Variants in FHOD1 observed in about 807,000 individuals in gnomAD.
FHOD1 encodes FH1/FH2 domain-containing protein 1.
In FHOD1, 89 loss-of-function variants were observed where a neutral mutation model predicts 111.6. That is an observed-to-expected ratio of 0.80 (90% CI 0.67 to 0.95). FHOD1 has a LOEUF of 0.95. Ranked by LOEUF, FHOD1 falls within the 40% of genes least tolerant of loss-of-function variation. The pLI, the probability that FHOD1 is intolerant of heterozygous loss-of-function variation, is 0.00. For synonymous variants in FHOD1, 618 were observed against 639.0 expected (o/e 0.97, Z 0.50); for missense variants, 1,446 against 1,554.2 (o/e 0.93, Z 1.17).
rs2034291385 is a variant in FHOD1, at chr16:67,231,877, C to T, written c.2203-58G>A. The T allele has an allele frequency of 6.4e-7, 1 of 1,573,510 alleles. No homozygotes were observed. Among genetic ancestry groups the T allele is most frequent in the East Asian group, 2.3e-5 (1 of 44,028 alleles). On this transcript the variant is annotated intron_variant, in intron 14 of 21. Transcript: ENST00000258201. This position sits in a 1 kb window ranked among gnomAD's most constrained non-coding sequence, Gnocchi z 4.3. ...CTCAATGCAGGCCTGAGGCCTGAGG[C>T]ATTGGTCTTGACCCCTCAGTCATCT... is the stretch of plus-strand genomic sequence containing the variant.
At position 67,237,778 on chromosome 16, in the gene FHOD1, G is replaced by A. The variant is rs765717343; in HGVS notation, c.643-10C>T. ...TCACCACCAAGCGGGACTGAGGAGA[G>A]AGGTCAGTACATATGAGTGGGGCTT... On this transcript the variant is annotated splice_polypyrimidine_tract_variant and intron_variant, in intron 6 of 21. Transcript: ENST00000258201. The surrounding 1 kb of genome is among the most constrained non-coding windows in gnomAD (Gnocchi z 5.6). 2.5e-6 allele frequency: 4 copies of A among 1,611,704 alleles called. No homozygotes were observed. The African/African-American group carries it at 5.3e-5, about 21-fold the overall frequency.
chr16:67,233,260 GT>G (rs1354862794), intron 13 of FHOD1, among the ~76,000 whole-genome samples: 1 of 150,642 alleles, frequency 6.6e-6, no homozygotes, highest in Non-Finnish European at 1.5e-5. Flanking sequence ...CTAATTTTGT[GT>G]TTTTAGTAGA....
At position 67,231,981 on chromosome 16, in the gene FHOD1, C is replaced by A; in HGVS notation, c.2202+58G>T. On this transcript the variant is annotated intron_variant, in intron 14 of 21. Transcript: ENST00000258201. This position sits in a 1 kb window ranked among gnomAD's most constrained non-coding sequence, Gnocchi z 4.3. Reference sequence around the variant, plus strand: ...CACCACCAGAGGGACAGGAAATGCCCACCTACCAAAGGAGAAGGCCAGACC... The same window carrying A: ...CACCACCAGAGGGACAGGAAATGCCAACCTACCAAAGGAGAAGGCCAGACC... 6.3e-7 allele frequency: 1 copy of A among 1,597,920 alleles called. No individual in the cohort carries two copies. Among genetic ancestry groups the A allele is most frequent in the South Asian group, 1.1e-5 (1 of 88,914 alleles).
chr16:67,247,366 C>A lies in FHOD1; in HGVS notation c.45G>T (p.Val15=). 2 of 1,613,578 alleles carry A rather than the reference C, an allele frequency of 1.2e-6. No homozygotes were observed. The highest frequency in any genetic ancestry group is 2.2e-5 in the East Asian group (1 of 44,854). ...CCAGGTACTGCACCCTCACGGTCAC[C>A]ACTGATACCGGCTCTCCGTCCCCGC... ...EDRGDGEPVS[V]VTVRVQYLED... The change falls in exon 1 of 22, where the codon GTG becomes GTT. Residue 15 remains valine, a synonymous_variant. Coordinates refer to ENST00000258201, the MANE Select transcript of FHOD1 (RefSeq NM_013241.3).
At chr16:67,243,562 G>A (rs1440473894) in intron 1 of FHOD1, among the ~76,000 whole-genome samples, 1 of 152,030 alleles carries the variant, frequency 6.6e-6, no homozygotes, top group Non-Finnish European at 1.5e-5. Context: ...TTACAGATAG[G>A]GAAACCAAGA....
At position 67,247,462 on chromosome 16, in the gene FHOD1, G is replaced by C; in HGVS notation, c.-52C>G. 6.3e-7 allele frequency: 1 copy of C among 1,578,424 alleles called. No homozygotes were observed. The highest frequency in any genetic ancestry group is 1.1e-5 in the South Asian group (1 of 88,630). On this transcript the variant is annotated 5_prime_UTR_variant, in exon 1 of 22. Coordinates refer to ENST00000258201, the MANE Select transcript of FHOD1 (RefSeq NM_013241.3). ...GCCTCCGAGTCCCGGCCCCAGTGCAGCTTCTACTCAAAGCACACTGTAGCT... is the reference window on the plus strand; with the variant it reads ...GCCTCCGAGTCCCGGCCCCAGTGCACCTTCTACTCAAAGCACACTGTAGCT...
At chr16:67,242,315 C>G (rs887947106) in intron 1 of FHOD1, among the ~76,000 whole-genome samples, 1 of 152,162 alleles carries the variant, frequency 6.6e-6, no homozygotes, top group Non-Finnish European at 1.5e-5. Context: ...CCTGTCCAAT[C>G]CTGCCAGGGC....
intron 13 of FHOD1, among the ~76,000 whole-genome samples, chr16:67,233,230 G>A (rs962709400): frequency 6.6e-6 from 1 of 151,938 alleles, no homozygotes; most frequent in African/African-American, 2.4e-5. Flanking sequence ...GGGATTACAG[G>A]TGCCCGCCAC....
rs917922394 is a variant in FHOD1 at position 67,247,294 on chromosome 16, C to G, written c.117G>C (p.Arg39=). ...FACANFPEPR[R]APTCSLDGAL... ...CCCCGTCCAGGCTGCAGGTGGGGGC[C>G]CGGCGCGGCTCCGGAAAGTTGGCAC... The change falls in exon 1 of 22, where the codon CGG becomes CGC. Residue 39 remains arginine, a synonymous_variant. Coordinates refer to ENST00000258201, the MANE Select transcript of FHOD1 (RefSeq NM_013241.3). 1 of 1,613,160 alleles carries G rather than the reference C, an allele frequency of 6.2e-7. No homozygotes were observed. The highest frequency in any genetic ancestry group is 8.5e-7 in the Non-Finnish European group (1 of 1,179,756).
chr16:67,242,306 C>G (rs535294916), intron 1 of FHOD1, among the ~76,000 whole-genome samples: 5 of 152,172 alleles, frequency 3.3e-5, no homozygotes, highest in Non-Finnish European at 7.3e-5. Flanking sequence ...GCCACTTCAC[C>G]TGTCCAATCC....
Position 67,238,439 on chromosome 16 carries a change from A to G in FHOD1, c.382T>C (p.Tyr128His). Reference protein sequence around the residue: ...VRVNAILEKLYSSSGPELRRS... With the variant: ...VRVNAILEKLHSSSGPELRRS... ...CGGAGCTCAGGACCACTGGAGCTATACAGCTTTTCTGCAAAAGGTAGGGTA... is the reference window on the plus strand; with the variant it reads ...CGGAGCTCAGGACCACTGGAGCTATGCAGCTTTTCTGCAAAAGGTAGGGTA... The change falls in exon 4 of 22, where the codon TAT becomes CAT. Residue 128 changes from tyrosine (Y) to histidine (H), a missense_variant. Coordinates refer to ENST00000258201, the MANE Select transcript of FHOD1 (RefSeq NM_013241.3). This position sits in a 1 kb window ranked among gnomAD's most constrained non-coding sequence, Gnocchi z 4.2. The G allele has an allele frequency of 6.2e-7, 1 of 1,613,822 alleles. No homozygotes were observed. The highest frequency in any genetic ancestry group is 8.5e-7 in the Non-Finnish European group (1 of 1,179,876).
At position 67,235,930 on chromosome 16, in the gene FHOD1, A is replaced by G. The variant is rs537168340; in HGVS notation, c.1319+627T>C. ...GCCTGAGTCCCCCAGCTTTGGTTGC[A>G]TCAGGCACGTGAAACCCCTGCTGGG... On this transcript the variant is annotated intron_variant, in intron 11 of 21. Transcript: ENST00000258201. 5.2e-6 allele frequency: 3 copies of G among 580,158 alleles called. No homozygotes were observed. The East Asian group carries it at 4.3e-4, about 83-fold the overall frequency. 35.9% of individuals were successfully genotyped at this position (580,158 alleles called of 1,614,324 possible). A position where few individuals can be genotyped will look rare whatever the true frequency, so the allele number is the denominator to read the frequency against.
chr16:67,230,736 G>A lies in FHOD1; in HGVS notation c.2723C>T (p.Ala908Val). 6.2e-7 allele frequency: 1 copy of A among 1,610,616 alleles called. No homozygotes were observed. Among genetic ancestry groups the A allele is most frequent in the South Asian group, 1.1e-5 (1 of 90,824 alleles). Residue 908 changes from alanine to valine, a missense_variant, in exon 18 of 22, where the codon GCA becomes GTA. Ala to Val is a moderately conservative substitution (Grantham distance 64, BLOSUM62 0). Transcript: ENST00000258201. ...CAAGCTCCGCAGGCTCTCCTCGGCT[G>A]CCCGGCTCCGGCGCTCCAGCTGCCC... is the stretch of plus-strand genomic sequence containing the variant. ...NLGQLERRSR[A>V]AEESLRSLAK...
chr16:67,239,004 A>T (rs771398412), intron 2 of FHOD1, 37 bp from the exon 3 acceptor site: 1 of 1,602,478 alleles, frequency 6.2e-7, no homozygotes, highest in South Asian at 1.1e-5. Flanking sequence ...CTCCCAGCCT[A>T]TCCCTCAGCA....
At chr16:67,245,268 G>A (rs1597333056) in intron 1 of FHOD1, among the ~76,000 whole-genome samples, 1 of 152,178 alleles carries the variant, frequency 6.6e-6, no homozygotes, top group Non-Finnish European at 1.5e-5. Flanking sequence ...ACTGCATTGG[G>A]GATGAGGAAC....
chr16:67,236,001 G>A (rs889547353), intron 11 of FHOD1: 12 of 973,250 alleles, frequency 1.2e-5, no homozygotes, highest in Admixed American at 6.3e-5. Context: ...CTGGCAGGCC[G>A]GCCTCTGTAC....
At chr16:67,232,828 A>T (rs2034330328) in intron 13 of FHOD1, among the ~76,000 whole-genome samples, 1 of 149,714 alleles carries the variant, frequency 6.7e-6, no homozygotes, top group Admixed American at 6.7e-5. Context: ...TTTTTTTTTT[A>T]ACATTTTTTT....
At position 67,239,338 on chromosome 16, in the gene FHOD1, C is replaced by A. The variant is rs753845928; in HGVS notation, c.308+10G>T. On this transcript the variant is annotated intron_variant, in intron 2 of 21. Transcript: ENST00000258201. ...GGTAACCTTGCCTCCCTGGCCCCAT[C>A]AGTTCTGACCTGATCTCTTCATAGA... 6.2e-7 allele frequency: 1 copy of A among 1,610,018 alleles called. No individual in the cohort carries two copies. The highest frequency in any genetic ancestry group is 1.1e-5 in the South Asian group (1 of 91,008).
Position 67,231,438 on chromosome 16 carries a change from C to T in FHOD1, c.2497G>A (p.Gly833Ser), listed in dbSNP as rs1314062683. ...TLLAVGNFLN[G>S]SQSSGFELSY... ...CATGTACTCTCACTCACCTGGGAGC[C>T]ATTGAGGAAGTTGCCCACCGCTAGG... Residue 833 changes from glycine to serine, a missense_variant, in exon 16 of 22, where the codon GGC (glycine) becomes AGC (serine). Gly to Ser is a moderately conservative substitution (Grantham distance 56). Transcript: ENST00000258201. This position sits in a 1 kb window ranked among gnomAD's most constrained non-coding sequence, Gnocchi z 4.3. 1.9e-6 allele frequency: 3 copies of T among 1,614,016 alleles called. No individual in the cohort carries two copies. Among genetic ancestry groups the T allele is most frequent in the Non-Finnish European group, 1.7e-6 (2 of 1,180,024 alleles).
Sources: gnomAD v4.1 joint callset for allele counts (sites outside exome capture counted in the v4.1 genomes callset) on GRCh38, gnomAD v4.1.1 for gene constraint, Gnocchi (gnomAD v3.1) non-coding constraint, MANE v1.5 for transcripts, NCBI Gene and HGNC (gene_info 2026-07-23, HGNC 2026-07-21) for gene names.